GPM6A: variants seen among roughly 807,000 people sequenced by gnomAD.
The protein encoded by GPM6A is neuronal membrane glycoprotein M6-a.
GPM6A carries 7 observed loss-of-function variants against 32.1 expected under a neutral mutation model. The observed-to-expected ratio is 0.22, with a 90% confidence interval of 0.12 to 0.41. GPM6A has a LOEUF of 0.41. GPM6A is among the 10% of genes least tolerant of loss of function. The pLI is 1.00. For missense variants in GPM6A, 235 were observed against 347.2 expected (o/e 0.68, Z 2.57); for synonymous variants, 130 against 123.4 (o/e 1.05, Z -0.35).
chr4:175,854,341 C>T (rs572175156), intron 1 of GPM6A, among the ~76,000 whole-genome samples: 27 of 152,252 alleles, frequency 1.8e-4, no homozygotes, highest in African/African-American at 6.5e-4. Context: ...TCATCAAGAA[C>T]TCTTTTTATC....
chr4:175,971,452 C>T (rs902855504), intron 1 of GPM6A, among the ~76,000 whole-genome samples: 3 of 152,066 alleles, frequency 2.0e-5, no homozygotes, highest in African/African-American at 7.2e-5. Flanking sequence ...CTTTAAAAAC[C>T]TCATTCATCT....
chr4:175,887,707 A>C (rs762414932), intron 1 of GPM6A, among the ~76,000 whole-genome samples: 1 of 151,922 alleles, frequency 6.6e-6, no homozygotes, highest in Non-Finnish European at 1.5e-5. Context: ...TAACCATGAT[A>C]AAAATTTTGA....
At chr4:175,998,454 C>T (rs1338797968) in intron 1 of GPM6A, among the ~76,000 whole-genome samples, 1 of 152,220 alleles carries the variant, frequency 6.6e-6, no homozygotes, top group Non-Finnish European at 1.5e-5. Flanking sequence ...CCGCACCCGG[C>T]CTTGCTATCA....
intron 3 of GPM6A, among the ~76,000 whole-genome samples, chr4:175,664,809 A>G (rs1363336888): frequency 6.6e-6 from 1 of 152,212 alleles, no homozygotes; most frequent in African/African-American, 2.4e-5. Flanking sequence ...TAAAGAAAGG[A>G]ATTCATTTTG....
chr4:175,889,249 T>C (rs1009397256), intron 1 of GPM6A, among the ~76,000 whole-genome samples: 3 of 152,210 alleles, frequency 2.0e-5, no homozygotes, highest in South Asian at 2.1e-4. Context: ...CGACAAATAA[T>C]ACAAACAATT....
intron 1 of GPM6A, among the ~76,000 whole-genome samples, chr4:175,931,171 A>G (rs892387921): frequency 6.6e-6 from 1 of 152,158 alleles, no homozygotes; most frequent in Admixed American, 6.5e-5. Context: ...TCATATCTCA[A>G]TCTTTGCAGT....
intron 1 of GPM6A, among the ~76,000 whole-genome samples, chr4:175,762,461 C>G (rs1732786744): frequency 1.3e-5 from 2 of 152,140 alleles, no homozygotes; most frequent in South Asian, 4.1e-4. Context: ...GGTAAATTCA[C>G]TATATTTAGC....
intron 1 of GPM6A, among the ~76,000 whole-genome samples, chr4:176,001,090 C>G (rs1245438542): frequency 1.3e-5 from 2 of 152,120 alleles, no homozygotes; most frequent in African/African-American, 4.8e-5. Context: ...CTCTTTTTTC[C>G]TTTCTTCCAA....
intron 1 of GPM6A, among the ~76,000 whole-genome samples, chr4:175,708,320 GA>G (rs1560887982): frequency 6.6e-6 from 1 of 152,114 alleles, no homozygotes; most frequent in Non-Finnish European, 1.5e-5. Context: ...TGGTCTGGAG[GA>G]GGTAAAGGGA....
intron 3 of GPM6A, among the ~76,000 whole-genome samples, chr4:175,670,966 CG>C (rs1430417884): frequency 5.3e-5 from 8 of 150,064 alleles, no homozygotes; most frequent in Admixed American, 4.7e-4. Context: ...TGGGTTCAAG[CG>C]ATTCTCCTGC....
rs112689994 is a variant in GPM6A at position 175,869,784 on chromosome 4, A to C, written c.-22-57535T>G. ...AAAAAACAAAAACAAAAACAAACAAAAAAAAATACTAACAGAGCACTTACT... is the reference window on the plus strand; with the variant it reads ...AAAAAACAAAAACAAAAACAAACAACAAAAAATACTAACAGAGCACTTACT... On this transcript the variant is annotated intron_variant, in intron 1 of 7. Transcript: ENST00000280187. Among the ~76,000 whole-genome samples, 719 of 152,226 alleles carry C rather than the reference A, an allele frequency of 4.7e-3. 5 individuals are homozygous for C. Among genetic ancestry groups the C allele is most frequent in the African/African-American group, 0.014 (580 of 41,524 alleles).
intron 1 of GPM6A, among the ~76,000 whole-genome samples, chr4:175,715,719 C>CT (rs35485713): frequency 0.059 from 8,631 of 145,816 alleles, 333 homozygotes; most frequent in African/African-American, 0.098. Context: ...TTACTATTGA[C>CT]TTTTTTTTTT....
chr4:175,889,540 G>A (rs1359654194), intron 1 of GPM6A, among the ~76,000 whole-genome samples: 1 of 145,024 alleles, frequency 6.9e-6, no homozygotes, highest in Non-Finnish European at 1.5e-5. Context: ...AAGAGGCCAG[G>A]CGCAGTGGCT....
At chr4:175,983,083 AAAT>A (rs1740866387) in intron 1 of GPM6A, among the ~76,000 whole-genome samples, 2 of 152,140 alleles carry the variant, frequency 1.3e-5, no homozygotes, top group Admixed American at 6.6e-5. Context: ...GTATCAAGTT[AAAT>A]AATAAATCAA....
At chr4:175,986,433 G>A (rs1561023871) in intron 1 of GPM6A, among the ~76,000 whole-genome samples, 1 of 152,016 alleles carries the variant, frequency 6.6e-6, no homozygotes, top group Non-Finnish European at 1.5e-5. Flanking sequence ...CTACTCAGGA[G>A]GCTGAGGCGG....
chr4:175,900,986 C>G (rs1737946819), intron 1 of GPM6A, among the ~76,000 whole-genome samples: 1 of 152,096 alleles, frequency 6.6e-6, no homozygotes. Flanking sequence ...ATGGATAGAG[C>G]TGGAGATTAC....
Position 175,673,732 on chromosome 4 carries a change from T to C in GPM6A, c.335A>G (p.Asp112Gly). ...GGTGATTTTGAAATCCCCATAGAGA[T>C]CTTTGATGGCCCCAGTTGTGAAGAA... ...EGFFTTGAIK[D>G]LYGDFKITTC... The change falls in exon 3 of 7, where the codon GAT becomes GGT. Residue 112 changes from aspartate to glycine, a missense_variant. Physicochemically the swap from Asp to Gly is moderately conservative, Grantham distance 94 (BLOSUM62 -1). This residue lies in a region of GPM6A where 101 missense variants were observed against 171.2 expected (regional missense o/e 0.59). Coordinates refer to ENST00000393658, the MANE Select transcript of GPM6A (RefSeq NM_201591.3). 6.2e-7 allele frequency: 1 copy of C among 1,612,808 alleles called. No individual in the cohort carries two copies. The highest frequency in any genetic ancestry group is 8.5e-7 in the Non-Finnish European group (1 of 1,179,034).
At chr4:175,885,573 A>G (rs1737425984) in intron 1 of GPM6A, among the ~76,000 whole-genome samples, 1 of 152,194 alleles carries the variant, frequency 6.6e-6, no homozygotes, top group South Asian at 2.1e-4. Flanking sequence ...CAAGGCTGCA[A>G]TGATGCATGA....
intron 1 of GPM6A, among the ~76,000 whole-genome samples, chr4:175,961,815 G>C (rs535238460): frequency 2.0e-5 from 3 of 152,158 alleles, no homozygotes; most frequent in Non-Finnish European, 4.4e-5. Context: ...TCGAAGAAGG[G>C]AAAGGCTCAA....
Sources: allele counts gnomAD v4.1 joint callset (sites outside exome capture counted in the v4.1 genomes callset), GRCh38; gene constraint gnomAD v4.1.1; regional missense constraint gnomAD v4.1.1; transcripts MANE v1.5; gene names NCBI Gene and HGNC (gene_info 2026-07-23, HGNC 2026-07-21).